The following CLASP1 variants were observed in gnomAD, a reference collection of about 807,000 sequenced individuals.
CLASP1 encodes the protein CLIP-associating protein 1.
CLASP1 carries 38 observed loss-of-function variants against 192.3 expected under a neutral mutation model. The ratio of observed to expected loss-of-function variants is 0.20; its 90% CI spans 0.15 to 0.26. The LOEUF (loss-of-function observed/expected upper bound fraction) is 0.26. Ranked by LOEUF, CLASP1 falls within the 10% of genes least tolerant of loss-of-function variation. The pLI is 1.00. For missense variants in CLASP1, 1,433 were observed against 1,932.5 expected, an observed-to-expected ratio of 0.74 and a Z score of 4.85; for synonymous variants, 691 against 712.8, an observed-to-expected ratio of 0.97 and a Z score of 0.49.
chr2:121,462,689 C>T (rs943469408), intron 9 of CLASP1, 84 bp from the exon 10 acceptor site: 2 of 765,166 alleles, frequency 2.6e-6, no homozygotes, highest in African/African-American at 3.5e-5. Flanking sequence ...CATACACAAT[C>T]AAAATTACAT....
chr2:121,441,293 T>C (rs1373844375), intron 19 of CLASP1, among the ~76,000 whole-genome samples: 4 of 152,224 alleles, frequency 2.6e-5, no homozygotes, highest in Non-Finnish European at 5.9e-5. Flanking sequence ...CGTTTTGGCA[T>C]ACATATCTGC....
intron 8 of CLASP1, among the ~76,000 whole-genome samples, chr2:121,478,665 CCA>C (rs1336561602): frequency 1.0e-5 from 1 of 95,536 alleles, no homozygotes; most frequent in African/African-American, 3.7e-5. Context: ...CACACACCCC[CCA>C]CACACACCAC....
chr2:121,387,807 T>C, exon 31 of CLASP1: 1 of 1,613,838 alleles, frequency 6.2e-7, no homozygotes, highest in Non-Finnish European at 8.5e-7. Context: ...TGCAGGAGTT[T>C]GGTGGCACCA....
At chr2:121,402,578 G>A in intron 26 of CLASP1, 1 of 518,022 alleles carries the variant, frequency 1.9e-6, no homozygotes, top group Non-Finnish European at 3.9e-6. Flanking sequence ...TAACTAAACT[G>A]AGACCTCCAA....
chr2:121,448,247 C>A (rs779188670), intron 18 of CLASP1, 29 bp downstream of exon 18: 1 of 1,599,804 alleles, frequency 6.3e-7, no homozygotes, highest in Non-Finnish European at 8.6e-7. Context: ...GAGCGGAGAA[C>A]AGGCCTTCTC....
chr2:121,512,572 T>C (rs532450396), intron 7 of CLASP1, among the ~76,000 whole-genome samples: 21 of 152,354 alleles, frequency 1.4e-4, no homozygotes, highest in African/African-American at 5.1e-4. Flanking sequence ...GAAGATTTTG[T>C]TAACTACCTC....
At chr2:121,530,460 C>A in intron 2 of CLASP1, 135 bp from the exon 3 acceptor site, 1 of 626,220 alleles carries the variant, frequency 1.6e-6, no homozygotes, top group Middle Eastern at 4.4e-4. Context: ...GACTGGAGGA[C>A]CAAAGAGATT....
intron 8 of CLASP1, among the ~76,000 whole-genome samples, chr2:121,500,508 TGAAA>T (rs2093720033): frequency 6.8e-6 from 1 of 147,778 alleles, no homozygotes; most frequent in South Asian, 2.2e-4. Context: ...GGAGAAAAGG[TGAAA>T]GAAAGAAAAG....
chr2:121,569,854 A>T (rs2105395087), intron 2 of CLASP1, among the ~76,000 whole-genome samples: 2 of 152,164 alleles, frequency 1.3e-5, no homozygotes, highest in East Asian at 1.9e-4. Context: ...AAAAAAGATT[A>T]CTTGGAATGC....
chr2:121,602,693 A>AAC (rs1235121918), intron 2 of CLASP1, among the ~76,000 whole-genome samples: 14 of 152,220 alleles, frequency 9.2e-5, no homozygotes, highest in Non-Finnish European at 1.6e-4. Context: ...AGGTGCCAAG[A>AAC]ACACTCATTG....
At chr2:121,629,120 G>A (rs1055841552) in intron 1 of CLASP1, among the ~76,000 whole-genome samples, 12 of 152,074 alleles carry the variant, frequency 7.9e-5, no homozygotes, top group African/African-American at 1.9e-4. Flanking sequence ...TGCCGGGCGC[G>A]GTGTCTCAGC....
At chr2:121,408,529 T>C (rs2149496659) in intron 24 of CLASP1, among the ~76,000 whole-genome samples, 1 of 152,350 alleles carries the variant, frequency 6.6e-6, no homozygotes, top group South Asian at 2.1e-4. Flanking sequence ...GCTTAAACCA[T>C]ACAAATATAC....
At chr2:121,591,359 T>C (rs572539562) in intron 2 of CLASP1, among the ~76,000 whole-genome samples, 24 of 152,086 alleles carry the variant, frequency 1.6e-4, no homozygotes, top group Non-Finnish European at 3.1e-4. Context: ...CAAAAACCAC[T>C]AGGTTGTCCT....
chr2:121,346,135 G>A (rs1277336738), intron 39 of CLASP1, among the ~76,000 whole-genome samples: 1 of 152,222 alleles, frequency 6.6e-6, no homozygotes, highest in Non-Finnish European at 1.5e-5. Flanking sequence ...ATAAGAGCAG[G>A]CGCTTCTGGT....
intron 1 of CLASP1, among the ~76,000 whole-genome samples, chr2:121,619,876 G>A (rs1452067757): frequency 2.0e-5 from 3 of 152,052 alleles, no homozygotes; most frequent in African/African-American, 7.2e-5. Context: ...GCTGAAGCTT[G>A]GTGATGGGCA....
At chr2:121,378,700 G>A (rs954742657) in intron 33 of CLASP1, among the ~76,000 whole-genome samples, 10 of 152,142 alleles carry the variant, frequency 6.6e-5, no homozygotes, top group African/African-American at 2.4e-4. Context: ...AAGATCAGAT[G>A]AATTCGTCTA....
chr2:121,496,206 A>T (rs1264094321), intron 8 of CLASP1, among the ~76,000 whole-genome samples: 3 of 152,252 alleles, frequency 2.0e-5, no homozygotes, highest in Admixed American at 2.0e-4. Flanking sequence ...CCTAGTCCTT[A>T]GCTGAGTATA....
chr2:121,359,749 A>G (rs1355916180), intron 37 of CLASP1, among the ~76,000 whole-genome samples: 1 of 152,252 alleles, frequency 6.6e-6, no homozygotes, highest in Admixed American at 6.5e-5. Context: ...CTATGAAAAC[A>G]TTATGTCTAA....
At position 121,495,874 on chromosome 2, in the gene CLASP1, G is replaced by A. The variant is rs145022985; in HGVS notation, c.712+7293C>T. 8.7e-3 allele frequency among the ~76,000 whole-genome samples: 1,321 copies of A among 152,236 alleles called. 13 individuals carry two copies. The highest frequency in any genetic ancestry group is 0.015 in the Non-Finnish European group (990 of 68,010). Reference sequence around the variant, plus strand: ...TCCCAGGCACTAAGAAATTCGCTAAGAATTTTACACACAATCTCATTTATT... The same window carrying A: ...TCCCAGGCACTAAGAAATTCGCTAAAAATTTTACACACAATCTCATTTATT... On this transcript the variant is annotated intron_variant, in intron 8 of 39. Transcript: ENST00000263710.
Sources: gnomAD v4.1 joint callset for allele counts (sites outside exome capture counted in the v4.1 genomes callset) on GRCh38, gnomAD v4.1.1 for gene constraint, MANE v1.5 for transcripts, NCBI Gene and HGNC (gene_info 2026-07-23, HGNC 2026-07-21) for gene names.